Variants in ZFYVE21 observed in about 807,000 individuals in gnomAD.
The protein encoded by ZFYVE21 is zinc finger FYVE-type containing 21.
In ZFYVE21, 21 loss-of-function variants were observed where a neutral mutation model predicts 29.5. The ratio of observed to expected loss-of-function variants is 0.71; its 90% CI spans 0.50 to 1.02. ZFYVE21 has a LOEUF of 1.02. Ranked by LOEUF, ZFYVE21 falls within the 50% of genes least tolerant of loss-of-function variation. The pLI is 0.00. For missense variants in ZFYVE21, 326 were observed against 335.4 expected, an observed-to-expected ratio of 0.97 and a Z score of 0.22; for synonymous variants, 151 against 133.8, an observed-to-expected ratio of 1.13 and a Z score of -0.89.
intron 1 of ZFYVE21, among the ~76,000 whole-genome samples, chr14:103,718,883 C>T (rs575119474): frequency 4.6e-5 from 7 of 152,304 alleles, no homozygotes; most frequent in African/African-American, 1.7e-4. Context: ...CGTCTGATCA[C>T]GAGCCTGGAC....
Position 103,726,956 on chromosome 14 carries a change from T to TTTTGTTTTTTG in ZFYVE21, c.189+117_189+118insGTTTTTTGTTT, listed in dbSNP as rs1204579486. The TTTTGTTTTTTG allele has an allele frequency of 5.0e-6, 6 of 1,206,042 alleles. No individual in the cohort carries two copies. The African/African-American group carries it at 6.4e-5, about 13-fold the overall frequency. 74.7% of individuals were successfully genotyped at this position (1,206,042 alleles called of 1,614,324 possible). On this transcript the variant is annotated intron_variant, in intron 2 of 6. Transcript: ENST00000311141. ...ATGTCATCTTATGGCTCGTTTTTTT[T>TTTTGTTTTTTG]TTTTTTGAGACGGAGTTTCGCTCTT... is the stretch of plus-strand genomic sequence containing the variant.
At chr14:103,721,666 G>C (rs2151951063) in intron 1 of ZFYVE21, among the ~76,000 whole-genome samples, 1 of 152,368 alleles carries the variant, frequency 6.6e-6, no homozygotes, top group Middle Eastern at 3.4e-3. Context: ...TAGGGGCACT[G>C]CCCAAGCTGA....
At chr14:103,729,378 A>T (rs1464367357) in intron 5 of ZFYVE21, 196 bp downstream of exon 5, 2 of 599,606 alleles carry the variant, frequency 3.3e-6, no homozygotes, top group Non-Finnish European at 5.9e-6. Context: ...GTGAGTGGAG[A>T]CTTAAACTGT....
In ZFYVE21 at chr14:103,733,190, C is replaced by A; in HGVS notation, c.*172C>A. 1 of 773,990 alleles carries A rather than the reference C, an allele frequency of 1.3e-6. No homozygotes were observed. 47.9% of individuals were successfully genotyped at this position (773,990 alleles called of 1,614,324 possible). A position where few individuals can be genotyped will look rare whatever the true frequency, so the allele number is the denominator to read the frequency against. ...GTTCACTTATCTAGTGCAATATGTT[C>A]ACAGTTTATTAATGCTTTAAACAGC... On this transcript the variant is annotated 3_prime_UTR_variant, in exon 7 of 7. Coordinates refer to ENST00000311141, the MANE Select transcript of ZFYVE21 (RefSeq NM_024071.4).
intron 1 of ZFYVE21, chr14:103,726,588 G>T: frequency 1.6e-6 from 1 of 638,000 alleles, no homozygotes. Context: ...AGGCCTGGGA[G>T]CAGCCTGCAC....
intron 1 of ZFYVE21, among the ~76,000 whole-genome samples, chr14:103,720,859 G>A (rs1297366446): frequency 2.0e-5 from 3 of 152,194 alleles, no homozygotes; most frequent in Non-Finnish European, 4.4e-5. Context: ...GAGTCTCACT[G>A]TCACCCAGGC....
chr14:103,719,431 G>A (rs1316100439), intron 1 of ZFYVE21, among the ~76,000 whole-genome samples: 1 of 151,340 alleles, frequency 6.6e-6, no homozygotes, highest in Non-Finnish European at 1.5e-5. Flanking sequence ...CTTCAGCCTG[G>A]GTGACAGAGC....
At chr14:103,728,738 C>T in intron 3 of ZFYVE21, 170 bp from the exon 4 acceptor site, 1 of 643,756 alleles carries the variant, frequency 1.6e-6, no homozygotes, top group Non-Finnish European at 2.7e-6. Flanking sequence ...AACCCTTGAT[C>T]CATGACTGCC....
rs571350084 is a variant in ZFYVE21, at chr14:103,733,067, C to G, written c.*49C>G. The G allele has an allele frequency of 2.5e-5, 40 of 1,612,712 alleles. No individual in the cohort carries two copies. Among genetic ancestry groups the G allele is most frequent in the Non-Finnish European group, 3.2e-5 (38 of 1,178,964 alleles). On this transcript the variant is annotated 3_prime_UTR_variant, in exon 7 of 7. Transcript: ENST00000311141. ...GTACGTGTGGTCACCAGGACTGAGT[C>G]GCTTGGAACAGCAGAGCCTGCTCCT...
intron 1 of ZFYVE21, among the ~76,000 whole-genome samples, chr14:103,724,161 G>A (rs2083898852): frequency 1.3e-5 from 2 of 152,244 alleles, no homozygotes; most frequent in Admixed American, 6.5e-5. Context: ...AGGCGCTGGG[G>A]GATTGGGCGG....
chr14:103,718,548 C>T (rs994563050), intron 1 of ZFYVE21, among the ~76,000 whole-genome samples: 8 of 152,176 alleles, frequency 5.3e-5, no homozygotes, highest in Admixed American at 1.3e-4. Context: ...TGTAAAGCTT[C>T]GTGCGACACC....
intron 3 of ZFYVE21, 92 bp from the exon 4 acceptor site, chr14:103,728,816 C>T (rs1431228387): frequency 4.0e-5 from 50 of 1,246,902 alleles, no homozygotes; most frequent in Non-Finnish European, 5.3e-5. Flanking sequence ...TTACTCTGTC[C>T]TCTGTGCGTG....
Position 103,733,253 on chromosome 14 carries a change from TGG to T in ZFYVE21, c.*239_*240del, listed in dbSNP as rs112502838. ...AATTTGTGTATTGTCAATACTTAAT[TGG>T]GGGTGGGAGAGACTGAGCTACACTA... is the stretch of plus-strand genomic sequence containing the variant. On this transcript the variant is annotated 3_prime_UTR_variant, in exon 7 of 7. Transcript: ENST00000311141. The T allele has an allele frequency of 1.8e-6, 1 of 549,258 alleles. No homozygotes were observed. The highest frequency in any genetic ancestry group is 3.2e-6 in the Non-Finnish European group (1 of 311,458). 34.0% of individuals were successfully genotyped at this position (549,258 alleles called of 1,614,324 possible).
intron 3 of ZFYVE21, 98 bp downstream of exon 3, chr14:103,728,012 C>CT (rs1218710524): frequency 1.5e-6 from 2 of 1,303,388 alleles, no homozygotes; most frequent in Admixed American, 5.1e-5. Flanking sequence ...TTCTGCTTCT[C>CT]TGACGTTCTC....
At chr14:103,731,831 C>T (rs1281441358) in intron 5 of ZFYVE21, 1 of 152,262 alleles carries the variant, frequency 6.6e-6, no homozygotes, top group Non-Finnish European at 1.5e-5. Context: ...CCCAAGTCAT[C>T]AAGTTCATGG....
chr14:103,721,228 G>T (rs2083869197), intron 1 of ZFYVE21, among the ~76,000 whole-genome samples: 1 of 152,176 alleles, frequency 6.6e-6, no homozygotes, highest in African/African-American at 2.4e-5. Flanking sequence ...TGGCAGGGTG[G>T]GTGCAAGTCA....
chr14:103,722,781 T>C (rs1170780374), intron 1 of ZFYVE21, among the ~76,000 whole-genome samples: 12 of 151,616 alleles, frequency 7.9e-5, no homozygotes, highest in African/African-American at 2.7e-4. Context: ...ATTGTGCCAC[T>C]GCACTCCAGC....
intron 5 of ZFYVE21, chr14:103,729,682 C>A: frequency 7.4e-7 from 1 of 1,344,700 alleles, no homozygotes; most frequent in Non-Finnish European, 1.0e-6. Flanking sequence ...CCGTTATCTG[C>A]AAACTGTGCT....
intron 1 of ZFYVE21, among the ~76,000 whole-genome samples, chr14:103,718,215 G>A (rs1052908846): frequency 2.6e-5 from 4 of 152,204 alleles, no homozygotes; most frequent in Non-Finnish European, 4.4e-5. Context: ...TGTGCCGATC[G>A]GCATCATCGT....
Sources: allele counts gnomAD v4.1 joint callset (sites outside exome capture counted in the v4.1 genomes callset), GRCh38; gene constraint gnomAD v4.1.1; transcripts MANE v1.5; gene names NCBI Gene and HGNC (gene_info 2026-07-23, HGNC 2026-07-21).